Variants in PDE8B observed in about 807,000 individuals in gnomAD.
PDE8B encodes the protein high affinity cAMP-specific and IBMX-insensitive 3',5'-cyclic phosphodiesterase 8B.
A neutral mutation model predicts 101.3 loss-of-function variants in PDE8B; 26 were observed. That is an observed-to-expected ratio of 0.26 (90% CI 0.19 to 0.36). The LOEUF (loss-of-function observed/expected upper bound fraction) is 0.36. Ranked by LOEUF, PDE8B falls within the 10% of genes least tolerant of loss-of-function variation. The probability of loss-of-function intolerance (pLI) is 1.00; values close to 1 mark genes in which losing one functional copy is unlikely to be tolerated. For synonymous variants in PDE8B, 424 were observed against 429.3 expected (o/e 0.99, Z 0.15); for missense variants, 810 against 1,163.1 (o/e 0.70, Z 4.42).
At chr5:77,114,181 A>C in the PDE8B span, 1 of 152,232 alleles carries the variant, frequency 6.6e-6, no homozygotes, top group Non-Finnish European at 1.5e-5. Flanking sequence ...AAAGGATTAT[A>C]AATCATGCTA....
At chr5:77,236,834 T>C (rs187165627) in intron 1 of PDE8B, among the ~76,000 whole-genome samples, 156 of 152,364 alleles carry the variant, frequency 1.0e-3, no homozygotes, top group Non-Finnish European at 1.9e-3. Context: ...GGTTTTTCTA[T>C]ATTCATGCTT....
chr5:77,110,539 G>A, the PDE8B span, among the ~76,000 whole-genome samples: 1 of 152,106 alleles, frequency 6.6e-6, no homozygotes, highest in South Asian at 2.1e-4. Context: ...GTGAATAGTG[G>A]GTAATCTGCA....
chr5:77,294,509 A>G (rs1266689159), intron 1 of PDE8B, among the ~76,000 whole-genome samples: 1 of 152,164 alleles, frequency 6.6e-6, no homozygotes, highest in Non-Finnish European at 1.5e-5. Flanking sequence ...GCAACCTAAT[A>G]TTTCAAATGA....
At chr5:77,370,262 G>A (rs946739717) in intron 10 of PDE8B, among the ~76,000 whole-genome samples, 19 of 152,178 alleles carry the variant, frequency 1.2e-4, no homozygotes, top group African/African-American at 4.3e-4. Context: ...CTAAGAAGAC[G>A]TAGAACATCA....
At chr5:77,264,721 C>T (rs115189716) in intron 1 of PDE8B, among the ~76,000 whole-genome samples, 4,492 of 152,152 alleles carry the variant, frequency 0.03, 218 homozygotes, top group African/African-American at 0.1. Context: ...TTCAAAGGAT[C>T]AAGCACATAT....
intron 5 of PDE8B, among the ~76,000 whole-genome samples, chr5:77,336,022 A>G (rs980399211): frequency 1.3e-5 from 2 of 152,186 alleles, no homozygotes; most frequent in African/African-American, 4.8e-5. Context: ...GGATTAAGTG[A>G]AAAAGGGCCT....
chr5:77,224,874 G>T (rs761555718), intron 1 of PDE8B, among the ~76,000 whole-genome samples: 3 of 152,116 alleles, frequency 2.0e-5, no homozygotes, highest in Non-Finnish European at 4.4e-5. Context: ...TTACATTCCT[G>T]TGGTATCATT....
chr5:77,258,446 G>C (rs1012685322), intron 1 of PDE8B, among the ~76,000 whole-genome samples: 2 of 152,020 alleles, frequency 1.3e-5, no homozygotes, highest in Non-Finnish European at 1.5e-5. Flanking sequence ...GTTTGCAAAA[G>C]CACTAAACAT....
the PDE8B span, among the ~76,000 whole-genome samples, chr5:77,158,840 T>A: frequency 4.6e-5 from 7 of 152,170 alleles, no homozygotes; most frequent in East Asian, 1.2e-3. Context: ...TCTCTTCCAG[T>A]TCTTGGGGAT....
chr5:77,158,130 A>G, the PDE8B span, among the ~76,000 whole-genome samples: 2 of 152,160 alleles, frequency 1.3e-5, no homozygotes, highest in African/African-American at 4.8e-5. Context: ...TGGAACTCAT[A>G]CCCAGGTGTA....
chr5:77,345,468 G>A (rs1252707319), intron 7 of PDE8B, among the ~76,000 whole-genome samples: 1 of 152,096 alleles, frequency 6.6e-6, no homozygotes, highest in East Asian at 1.9e-4. Flanking sequence ...CTAGAACCGG[G>A]GTAAATTCTT....
chr5:77,405,799 GACTAGT>G (rs1020686224), intron 12 of PDE8B, among the ~76,000 whole-genome samples: 2 of 152,182 alleles, frequency 1.3e-5, no homozygotes, highest in Non-Finnish European at 2.9e-5. Context: ...GCGGACAACA[GACTAGT>G]AGATTTCACT....
intron 14 of PDE8B, among the ~76,000 whole-genome samples, chr5:77,410,256 TAGC>T (rs1345902135): frequency 2.0e-5 from 3 of 152,222 alleles, no homozygotes; most frequent in Admixed American, 1.3e-4. Flanking sequence ...GTGCCCCTGG[TAGC>T]AGCTCAGAGG....
the PDE8B span, among the ~76,000 whole-genome samples, chr5:77,166,129 G>A: frequency 6.6e-6 from 1 of 150,910 alleles, no homozygotes; most frequent in Non-Finnish European, 1.5e-5. Context: ...AAGAAATGAT[G>A]GAAGGAAACT....
chr5:77,255,300 T>A (rs1758876690), intron 1 of PDE8B, among the ~76,000 whole-genome samples: 1 of 152,146 alleles, frequency 6.6e-6, no homozygotes, highest in Non-Finnish European at 1.5e-5. Flanking sequence ...AATTGAAGTT[T>A]AGAGTATATT....
chr5:77,118,516 T>G, the PDE8B span: 1 of 397,360 alleles, frequency 2.5e-6, no homozygotes. Context: ...GTATGAAACC[T>G]GTGAGGTATG....
chr5:77,176,637 G>A, the PDE8B span, among the ~76,000 whole-genome samples: 1 of 152,160 alleles, frequency 6.6e-6, no homozygotes, highest in Non-Finnish European at 1.5e-5. Context: ...CCTACTGGCG[G>A]TAAGGATGCA....
chr5:77,208,769 C>T (rs2149360184), upstream of PDE8B, among the ~76,000 whole-genome samples: 1 of 152,294 alleles, frequency 6.6e-6, no homozygotes, highest in South Asian at 2.1e-4. Context: ...GGCAGTGCCT[C>T]AGCTGAAGAG....
chr5:77,290,066 G>A (rs1766924206), intron 1 of PDE8B, among the ~76,000 whole-genome samples: 1 of 152,234 alleles, frequency 6.6e-6, no homozygotes, highest in Non-Finnish European at 1.5e-5. Context: ...GCTGTGCCAA[G>A]ATACATCCGT....
Sources: gnomAD v4.1 joint callset for allele counts (sites outside exome capture counted in the v4.1 genomes callset) on GRCh38, gnomAD v4.1.1 for gene constraint, MANE v1.5 for transcripts, NCBI Gene and HGNC (gene_info 2026-07-23, HGNC 2026-07-21) for gene names.